IFT122: variants seen among roughly 807,000 people sequenced by gnomAD.
IFT122 encodes the protein intraflagellar transport 122.
A neutral mutation model predicts 161.6 loss-of-function variants in IFT122; 118 were observed. The observed-to-expected ratio is 0.73, with a 90% confidence interval of 0.63 to 0.85. The LOEUF (loss-of-function observed/expected upper bound fraction) is 0.85. Among genes scored for constraint, IFT122 ranks in the 40% least tolerant of loss-of-function variants. The pLI is 0.00. For synonymous variants in IFT122, 550 were observed against 602.4 expected (o/e 0.91, Z 1.27); for missense variants, 1,381 against 1,579.6 (o/e 0.87, Z 2.13).
intron 1 of IFT122, among the ~76,000 whole-genome samples, chr3:129,442,897 C>T (rs1451062637): frequency 1.3e-5 from 2 of 152,148 alleles, no homozygotes; most frequent in South Asian, 2.1e-4. Flanking sequence ...TTTTTCTACC[C>T]GAAGATCCTT....
Position 129,463,561 on chromosome 3 carries a change from G to A in IFT122, c.351G>A (p.Gly117=). ...CTTTTATATTATTGTGCATTGAAGG[G>A]TTGTGGTCTCCTGAACAGAAGTCTG... ...QLASCSSSDF[G]LWSPEQKSVS... The change falls in exon 6 of 30, where the codon GGG becomes GGA. Residue 117 remains glycine (G), a splice_region_variant and synonymous_variant. Transcript: ENST00000348417. The A allele has an allele frequency of 6.2e-7, 1 of 1,613,404 alleles. No homozygotes were observed. Among genetic ancestry groups the A allele is most frequent in the Non-Finnish European group, 8.5e-7 (1 of 1,179,482 alleles).
chr3:129,464,555 C>T, intron 6 of IFT122, 80 bp from the exon 7 acceptor site: 1 of 1,557,274 alleles, frequency 6.4e-7, no homozygotes, highest in Non-Finnish European at 8.9e-7. Context: ...TTATTTCAAA[C>T]CAAGGCATCA....
intron 9 of IFT122, among the ~76,000 whole-genome samples, chr3:129,475,549 G>T (rs1166760002): frequency 2.6e-5 from 4 of 152,234 alleles, no homozygotes; most frequent in Non-Finnish European, 5.9e-5. Context: ...CTACTTGGGA[G>T]GCTGAGGTAG....
chr3:129,453,127 G>A (rs1160543212), intron 3 of IFT122, among the ~76,000 whole-genome samples: 1 of 152,164 alleles, frequency 6.6e-6, no homozygotes, highest in African/African-American at 2.4e-5. Context: ...TCGGAGAGGG[G>A]AGAGAACTGC....
At chr3:129,440,620 G>A (rs894884437) in intron 1 of IFT122, among the ~76,000 whole-genome samples, 48 of 152,290 alleles carry the variant, frequency 3.2e-4, no homozygotes, top group African/African-American at 1.1e-3. Context: ...CTTCCCTCAC[G>A]GTCTGGCCCT....
At chr3:129,504,122 C>G in intron 20 of IFT122, 197 bp from the exon 21 acceptor site, 22 of 546,822 alleles carry the variant, frequency 4.0e-5, no homozygotes, top group Non-Finnish European at 4.6e-5. Context: ...TTGCATATTG[C>G]TGTTAATTGC....
At chr3:129,446,522 G>C (rs913986189) in intron 1 of IFT122, among the ~76,000 whole-genome samples, 10 of 152,136 alleles carry the variant, frequency 6.6e-5, no homozygotes, top group African/African-American at 2.4e-4. Flanking sequence ...GCCGACCCTA[G>C]GTCCTTAGAT....
At position 129,498,844 on chromosome 3, in the gene IFT122, G is replaced by A. The variant is rs562669542; in HGVS notation, c.2209-1058G>A. Among the ~76,000 whole-genome samples, 525 of 152,270 alleles carry A rather than the reference G, an allele frequency of 3.4e-3. 4 individuals are homozygous for A. The highest frequency in any genetic ancestry group is 0.024 in the Middle Eastern group (7 of 294). On this transcript the variant is annotated intron_variant, in intron 18 of 29. Transcript: ENST00000348417. ...CCAGTAACATAGACCTGGGCTGTAA[G>A]TGCTCCCAGTTTCCCTTTTTGAAAA...
intron 29 of IFT122, 135 bp downstream of exon 29, chr3:129,519,867 T>A (rs951809166): frequency 2.9e-5 from 31 of 1,056,424 alleles, no homozygotes; most frequent in Middle Eastern, 2.1e-4. Flanking sequence ...GGCTTGTCTG[T>A]CCTCTCCCCT....
chr3:129,503,063 C>T (rs1649710675), intron 20 of IFT122, among the ~76,000 whole-genome samples, 181 bp downstream of exon 20: 1 of 152,148 alleles, frequency 6.6e-6, no homozygotes, highest in African/African-American at 2.4e-5. Flanking sequence ...TCGTGGAGGG[C>T]CTTTCCACTT....
intron 29 of IFT122, 118 bp downstream of exon 29, chr3:129,519,850 G>T: frequency 8.0e-7 from 1 of 1,248,178 alleles, no homozygotes; most frequent in South Asian, 1.2e-5. Context: ...CTCCAAGTTG[G>T]GACAGAGGCT....
intron 15 of IFT122, among the ~76,000 whole-genome samples, chr3:129,486,331 T>TC: frequency 6.6e-6 from 1 of 152,362 alleles, no homozygotes; most frequent in African/African-American, 2.4e-5. Context: ...GCAACTCATT[T>TC]CACTCTTTGG....
Position 129,488,273 on chromosome 3 carries a change from A to G in IFT122, c.1868A>G (p.Gln623Arg), listed in dbSNP as rs2079564937. 2.5e-6 allele frequency: 4 copies of G among 1,614,174 alleles called. No individual in the cohort carries two copies. The highest frequency in any genetic ancestry group is 1.3e-5 in the African/African-American group (1 of 75,046). Residue 623 changes from glutamine (Q) to arginine (R), a missense_variant, in exon 16 of 30, where the codon CAG becomes CGG. Gln to Arg is a conservative substitution (Grantham distance 43, BLOSUM62 1). Coordinates refer to ENST00000348417, the MANE Select transcript of IFT122 (RefSeq NM_052989.3). ...ATCCTGCAGTCCGCTCCCATGTACC[A>G]GTACCTGGATAGGAAACTGTTCAAG... is the stretch of plus-strand genomic sequence containing the variant. ...VEVPQSAPMY[Q>R]YLDRKLFKEA...
intron 23 of IFT122, among the ~76,000 whole-genome samples, chr3:129,510,566 C>T (rs2108615681): frequency 6.6e-6 from 1 of 152,244 alleles, no homozygotes; most frequent in African/African-American, 2.4e-5. Context: ...CCAGCTCAGC[C>T]TCACTTTGCC....
At chr3:129,501,887 C>CT (rs1559977746) in intron 19 of IFT122, among the ~76,000 whole-genome samples, 1 of 152,166 alleles carries the variant, frequency 6.6e-6, no homozygotes, top group Non-Finnish European at 1.5e-5. Flanking sequence ...CCTTGCCTGT[C>CT]TCCAGACAGG....
At chr3:129,502,973 G>A in intron 20 of IFT122, 91 bp downstream of exon 20, 1 of 1,233,036 alleles carries the variant, frequency 8.1e-7, no homozygotes, top group South Asian at 1.3e-5. Flanking sequence ...GGTTCAGATG[G>A]AGAGAAGCTG....
At chr3:129,474,303 CT>C (rs2077673250) in intron 9 of IFT122, among the ~76,000 whole-genome samples, 1 of 152,130 alleles carries the variant, frequency 6.6e-6, no homozygotes, top group African/African-American at 2.4e-5. Flanking sequence ...AACTTAAGAA[CT>C]TAAGGAGAAA....
In IFT122 at chr3:129,478,231, A is replaced by G. The variant is rs1489016597; in HGVS notation, c.1350+13A>G. ...CATCCTGTGCCAGGTGGGCAGCAGC[A>G]TGTTGAAGGAGTTGGGCTGAATTCC... On this transcript the variant is annotated intron_variant, in intron 12 of 29. Transcript: ENST00000348417. 3 of 1,613,068 alleles carry G rather than the reference A, an allele frequency of 1.9e-6. No homozygotes were observed. Among genetic ancestry groups the G allele is most frequent in the Admixed American group, 3.3e-5 (2 of 59,998 alleles).
chr3:129,477,969 T>C, intron 11 of IFT122, 47 bp from the exon 12 acceptor site: 1 of 1,519,960 alleles, frequency 6.6e-7, no homozygotes, highest in Non-Finnish European at 9.1e-7. Context: ...GCCTTGCACC[T>C]TACATAACAA....
Sources: gnomAD v4.1 joint callset for allele counts (sites outside exome capture counted in the v4.1 genomes callset) on GRCh38, gnomAD v4.1.1 for gene constraint, MANE v1.5 for transcripts, NCBI Gene and HGNC (gene_info 2026-07-23, HGNC 2026-07-21) for gene names.